UPRT: variants seen among roughly 807,000 people sequenced by gnomAD.
The protein encoded by UPRT is uracil phosphoribosyltransferase homolog.
UPRT carries 5 observed loss-of-function variants against 22.6 expected under a neutral mutation model. That is an observed-to-expected ratio of 0.22 (90% confidence interval 0.12 to 0.47). UPRT has a LOEUF of 0.47. UPRT is among the 20% of genes least tolerant of loss of function. UPRT has a pLI of 0.99. For synonymous variants in UPRT, 77 were observed against 87.7 expected (o/e 0.88, Z 0.68); for missense variants, 181 against 239.9 (o/e 0.75, Z 1.62).
At chrX:75,212,721 T>C (rs2147628874) in intron 4 of UPRT, among the ~76,000 whole-genome samples, 1 of 111,268 alleles carries the variant, frequency 9.0e-6, no homozygotes, top group South Asian at 3.9e-4. Flanking sequence ...TTCTCACTCA[T>C]ATGTGGGAGC....
At chrX:75,233,304 G>A (rs1284392711) in intron 4 of UPRT, among the ~76,000 whole-genome samples, 11 of 111,150 alleles carry the variant, frequency 9.9e-5, no homozygotes, top group Non-Finnish European at 1.5e-4. Flanking sequence ...CCAAATCTAC[G>A]TCTGATTGGT....
chrX:75,295,155 C>CAT (rs201415187), intron 2 of UPRT, among the ~76,000 whole-genome samples: 1,211 of 109,822 alleles, frequency 0.011, 10 homozygotes, highest in Non-Finnish European at 0.016. Context: ...TATATATTAT[C>CAT]ATATATATAT....
At chrX:75,167,575 CTA>C (rs896008338) in intron 3 of UPRT, among the ~76,000 whole-genome samples, 5 of 111,659 alleles carry the variant, frequency 4.5e-5, no homozygotes, top group African/African-American at 1.3e-4. Flanking sequence ...TTTTTAAATG[CTA>C]TGTTTCACTT....
At chrX:75,162,418 G>T (rs938230463) in intron 2 of UPRT, among the ~76,000 whole-genome samples, 1 of 111,719 alleles carries the variant, frequency 9.0e-6, no homozygotes, top group Non-Finnish European at 1.9e-5. Context: ...TCAGTATGAT[G>T]TTTTTAAGCT....
upstream of UPRT, among the ~76,000 whole-genome samples, chrX:75,271,059 T>G (rs2082606645): frequency 9.1e-6 from 1 of 110,388 alleles, no homozygotes; most frequent in African/African-American, 3.3e-5. Context: ...CATGGACGAG[T>G]AGAATCAATA....
At chrX:75,180,447 C>T (rs1157727347) in intron 4 of UPRT, among the ~76,000 whole-genome samples, 1 of 112,055 alleles carries the variant, frequency 8.9e-6, no homozygotes, top group African/African-American at 3.2e-5. Context: ...GACGATCCCT[C>T]TTTCCCACTC....
At chrX:75,300,078 A>C (rs1272534554) in intron 5 of UPRT, among the ~76,000 whole-genome samples, 182 bp downstream of exon 5, 1 of 112,571 alleles carries the variant, frequency 8.9e-6, no homozygotes, top group Non-Finnish European at 1.9e-5. Flanking sequence ...AATATACAGT[A>C]GTCAGACCTT....
chrX:75,217,635 T>A (rs1378456824), intron 4 of UPRT, among the ~76,000 whole-genome samples: 1 of 112,048 alleles, frequency 8.9e-6, no homozygotes, highest in Non-Finnish European at 1.9e-5. Context: ...AGAATGCTTG[T>A]GATTTTTGTA....
At chrX:75,206,734 G>A (rs1226938869) in intron 4 of UPRT, among the ~76,000 whole-genome samples, 1 of 110,190 alleles carries the variant, frequency 9.1e-6, no homozygotes, top group Non-Finnish European at 1.9e-5. Context: ...GCATGATTTT[G>A]GCTCACTGCA....
chrX:75,269,238 G>T (rs1164748251), upstream of UPRT, among the ~76,000 whole-genome samples: 2 of 111,732 alleles, frequency 1.8e-5, no homozygotes. Context: ...AGAAACCACT[G>T]CTCAAGGAAA....
intron 4 of UPRT, among the ~76,000 whole-genome samples, chrX:75,233,173 AG>A (rs1378413225): frequency 1.8e-5 from 2 of 111,478 alleles, no homozygotes; most frequent in Admixed American, 1.9e-4. Context: ...ATCAACTGGA[AG>A]AAAGGGTATC....
At chrX:75,257,574 A>C (rs995877248) in intron 4 of UPRT, among the ~76,000 whole-genome samples, 18 of 111,976 alleles carry the variant, frequency 1.6e-4, no homozygotes, top group Non-Finnish European at 1.9e-4. Flanking sequence ...AGAGAAAGTT[A>C]AACTGTCACT....
chrX:75,186,993 C>G (rs1318579427), intron 4 of UPRT, among the ~76,000 whole-genome samples: 2 of 111,595 alleles, frequency 1.8e-5, no homozygotes, highest in African/African-American at 3.3e-5. Context: ...CAGTCTGTGT[C>G]TTTTAATTGG....
chrX:75,252,639 C>T (rs2082535174), intron 4 of UPRT, among the ~76,000 whole-genome samples: 1 of 111,760 alleles, frequency 8.9e-6, no homozygotes, highest in African/African-American at 3.3e-5. Flanking sequence ...TGTGGCGATT[C>T]CACTAGGATC....
In UPRT at chrX:75,303,743, C is replaced by T; in HGVS notation, c.*232C>T. On this transcript the variant is annotated 3_prime_UTR_variant, in exon 7 of 7. Coordinates refer to ENST00000373383, the MANE Select transcript of UPRT (RefSeq NM_145052.4). ...ACAAAACATAAATTTTAATAATATT[C>T]TAATGCAAATTACTGAACCCTCAGT... The T allele has an allele frequency of 4.1e-6, 1 of 242,194 alleles. No individual in the cohort carries two copies. Among genetic ancestry groups the T allele is most frequent in the Middle Eastern group, 1.3e-3 (1 of 799 alleles). The allele number at this position is 242,194 out of a possible 1,213,427, so 20.0% of individuals were successfully genotyped here. A position where few individuals can be genotyped will look rare whatever the true frequency, so the allele number is the denominator to read the frequency against.
chrX:75,158,190 G>A (rs2082188907), intron 1 of UPRT, among the ~76,000 whole-genome samples: 1 of 111,768 alleles, frequency 8.9e-6, no homozygotes, highest in African/African-American at 3.3e-5. Context: ...AATTTCCAGG[G>A]CACCCAGAAA....
intron 6 of UPRT, among the ~76,000 whole-genome samples, chrX:75,302,613 A>G (rs1364044446): frequency 9.0e-6 from 1 of 111,691 alleles, no homozygotes; most frequent in African/African-American, 3.2e-5. Context: ...ATATGATTTA[A>G]CAGTTATATA....
chrX:75,255,465 A>C (rs1220940443), intron 4 of UPRT, among the ~76,000 whole-genome samples: 1 of 111,695 alleles, frequency 9.0e-6, no homozygotes, highest in African/African-American at 3.3e-5. Flanking sequence ...AATCAAAAAT[A>C]TATAGGCAAC....
intron 1 of UPRT, among the ~76,000 whole-genome samples, chrX:75,284,708 G>A (rs189351722): frequency 9.0e-6 from 1 of 111,546 alleles, no homozygotes; most frequent in Non-Finnish European, 1.9e-5. Context: ...TGGCAGGGGG[G>A]GGTGCAGTGG....
Sources: allele counts gnomAD v4.1 joint callset (sites outside exome capture counted in the v4.1 genomes callset), GRCh38; gene constraint gnomAD v4.1.1; transcripts MANE v1.5; gene names NCBI Gene and HGNC (gene_info 2026-07-23, HGNC 2026-07-21).